NR1D1: variants seen among roughly 807,000 people sequenced by gnomAD.
The protein encoded by NR1D1 is Rev-ErbAalpha.
Under a neutral mutation model 51.1 loss-of-function variants are expected in NR1D1, and 17 were observed. The observed-to-expected ratio is 0.33, with a 90% CI of 0.23 to 0.50. The LOEUF is 0.50. Ranked by LOEUF, NR1D1 falls within the 20% of genes least tolerant of loss-of-function variation. The pLI is 0.98. For missense variants in NR1D1, 647 were observed against 830.4 expected (o/e 0.78, Z 2.71); for synonymous variants, 341 against 333.4 (o/e 1.02, Z -0.25).
Position 40,095,504 on chromosome 17 carries a change from G to A in NR1D1, c.1188C>T (p.Ala396=), listed in dbSNP as rs909264066. Residue 396 remains alanine, a synonymous_variant, in exon 5 of 8, where the codon GCC becomes GCT. Transcript: ENST00000246672. ...HRLCPTHVYA[A]PEGKAPANSP... ...TGTTGGCAGGTGCCTTGCCTTCTGG[G>A]GCTGCATACACGTGGGTGGGGCATA... is the stretch of plus-strand genomic sequence containing the variant. 2 of 1,565,678 alleles carry A rather than the reference G, an allele frequency of 1.3e-6. No individual in the cohort carries two copies. Among genetic ancestry groups the A allele is most frequent in the African/African-American group, 1.4e-5 (1 of 73,428 alleles).
chr17:40,094,767 G>GCAC, intron 6 of NR1D1, among the ~76,000 whole-genome samples, 168 bp downstream of exon 6: 1 of 152,194 alleles, frequency 6.6e-6, no homozygotes, highest in African/African-American at 2.4e-5. Flanking sequence ...GCGTGGTGGC[G>GCAC]GGAACCTGTA....
At position 40,093,371 on chromosome 17, in the gene NR1D1, G is replaced by C. The variant is rs1208586927; in HGVS notation, c.1646-89C>G. The C allele has an allele frequency of 1.2e-6, 2 of 1,610,992 alleles. No individual in the cohort carries two copies. Among genetic ancestry groups the C allele is most frequent in the South Asian group, 2.2e-5 (2 of 90,932 alleles). ...CTGCGAGGACCTGGCAGGCAATGCA[G>C]CCTCTCCCTGAAGCCCCCCAGAAGG... On this transcript the variant is annotated intron_variant, in intron 7 of 7. Coordinates refer to ENST00000246672, the MANE Select transcript of NR1D1 (RefSeq NM_021724.5). This position sits in a 1 kb window ranked among gnomAD's most constrained non-coding sequence, Gnocchi z 5.9.
chr17:40,096,674 C>T lies in NR1D1; in HGVS notation c.459+17G>A, dbSNP rs138791655. 6.2e-7 allele frequency: 1 copy of T among 1,613,986 alleles called. No homozygotes were observed. The highest frequency in any genetic ancestry group is 1.7e-5 in the Admixed American group (1 of 60,014). ...AGGGGGCCACCTGCCCCTGCCCTTA[C>T]CCCCAGTCCGCCTCACCTTGCAGCC... On this transcript the variant is annotated intron_variant, in intron 3 of 7. Transcript: ENST00000246672.
chr17:40,095,266 G>A, intron 5 of NR1D1, 146 bp from the exon 6 acceptor site: 1 of 1,128,212 alleles, frequency 8.9e-7, no homozygotes, highest in Non-Finnish European at 1.2e-6. Flanking sequence ...GCAATTAGGT[G>A]CCAGGTGGAG....
At chr17:40,096,402 T>G (rs202136675) in intron 4 of NR1D1, 41 bp downstream of exon 4, 26 of 1,612,896 alleles carry the variant, frequency 1.6e-5, no homozygotes, top group Admixed American at 1.0e-4. Context: ...TCAGAAACTT[T>G]GGGCGGAAGA....
At chr17:40,094,220 G>T (rs1018905119) in intron 6 of NR1D1, 98 bp from the exon 7 acceptor site, 2 of 1,059,468 alleles carry the variant, frequency 1.9e-6, no homozygotes, top group Admixed American at 1.8e-5. Flanking sequence ...TGCTGCCTTC[G>T]ATTTCTCAGT....
At position 40,095,933 on chromosome 17, in the gene NR1D1, C is replaced by A. The variant is rs199767462; in HGVS notation, c.759G>T (p.Ser253=). The stretch of plus-strand genomic sequence containing the variant: ...GTGAGGGGACCGGAGCAGGGGGTGG[C>A]GAGGGGCCCATGGGGCCTGGGGTGG... ...QHPTPGPMGP[S]PPPAPVPSPL... is the part of the protein sequence containing the mutation. The change falls in exon 5 of 8, where the codon TCG becomes TCT. Residue 253 remains serine, a synonymous_variant. Transcript: ENST00000246672. The A allele has an allele frequency of 9.1e-6, 14 of 1,534,516 alleles. No individual in the cohort carries two copies. Among genetic ancestry groups the A allele is most frequent in the South Asian group, 1.1e-5 (1 of 89,384 alleles).
Position 40,095,721 on chromosome 17 carries a change from G to A in NR1D1, c.971C>T (p.Pro324Leu), listed in dbSNP as rs1267138119. ...TTCCCAGCGATGTGGGGTGGTGGCT[G>A]GAGGGCTACCTGATGCATGGTTGGC... is the stretch of plus-strand genomic sequence containing the variant. ...FNANHASGSP[P>L]ATTPHRWENQ... The change falls in exon 5 of 8, where the codon CCA becomes CTA. Residue 324 changes from proline (P) to leucine (L), a missense_variant. Physicochemically the swap from Pro to Leu is moderately conservative, Grantham distance 98 (BLOSUM62 -3). This residue lies in a region of NR1D1 where 185 missense variants were observed against 176.3 expected (regional missense o/e 1.05). Transcript: ENST00000246672. The A allele has an allele frequency of 6.2e-7, 1 of 1,613,874 alleles. No individual in the cohort carries two copies. The highest frequency in any genetic ancestry group is 1.1e-5 in the South Asian group (1 of 91,058).
At chr17:40,097,903 C>T (rs1182901457) in intron 1 of NR1D1, among the ~76,000 whole-genome samples, 1 of 152,222 alleles carries the variant, frequency 6.6e-6, no homozygotes, top group African/African-American at 2.4e-5. Flanking sequence ...AAAAGTAAGA[C>T]AGTCACATTC....
rs201252895 is a variant in NR1D1, at chr17:40,093,296, G to C, written c.1646-14C>G. 1 of 1,613,426 alleles carries C rather than the reference G, an allele frequency of 6.2e-7. No homozygotes were observed. The highest frequency in any genetic ancestry group is 1.7e-5 in the Admixed American group (1 of 59,996). On this transcript the variant is annotated splice_polypyrimidine_tract_variant and intron_variant, in intron 7 of 7. Transcript: ENST00000246672. This position sits in a 1 kb window ranked among gnomAD's most constrained non-coding sequence, Gnocchi z 5.9. ...TGCCCGAGCGGTCTGTGGGGAAGAC[G>C]ACAGCAGTGAGGCGGACTCCCCGAG...
At chr17:40,094,401 A>G (rs1000928117) in intron 6 of NR1D1, among the ~76,000 whole-genome samples, 8 of 152,240 alleles carry the variant, frequency 5.3e-5, no homozygotes, top group Non-Finnish European at 1.2e-4. Flanking sequence ...CAGTGCACCC[A>G]AGGCATTATT....
rs755224727 is a variant in NR1D1, at chr17:40,093,696, G to A, written c.1645+216C>T. ...CTCCCCCAGGCAGAAATAGTTGTCT[G>A]TGCTTCCTTGGTTCATGCTTCTACT... On this transcript the variant is annotated intron_variant, in intron 7 of 7. Coordinates refer to ENST00000246672, the MANE Select transcript of NR1D1 (RefSeq NM_021724.5). The surrounding 1 kb of genome is among the most constrained non-coding windows in gnomAD (Gnocchi z 5.9). The A allele has an allele frequency of 3.1e-6, 2 of 636,024 alleles. No individual in the cohort carries two copies. The highest frequency in any genetic ancestry group is 5.4e-6 in the Non-Finnish European group (2 of 370,172). The allele number at this position is 636,024 out of a possible 1,614,324, so 39.4% of individuals were successfully genotyped here. A position where few individuals can be genotyped will look rare whatever the true frequency, so the allele number is the denominator to read the frequency against.
chr17:40,094,205 A>C, intron 6 of NR1D1, 83 bp from the exon 7 acceptor site: 2 of 1,262,876 alleles, frequency 1.6e-6, no homozygotes, highest in Non-Finnish European at 2.3e-6. Context: ...CAGAGGGTTT[A>C]GCGGTGCTGC....
In NR1D1 at chr17:40,100,396, T is replaced by C. The variant is rs200723167; in HGVS notation, c.-302A>G. 1 of 482,100 alleles carries C rather than the reference T, an allele frequency of 2.1e-6. No individual in the cohort carries two copies. The highest frequency in any genetic ancestry group is 3.7e-6 in the Non-Finnish European group (1 of 271,680). 29.9% of individuals were successfully genotyped at this position (482,100 alleles called of 1,614,324 possible). ...AGCAAGGAGGGTCGGGTCTCTGCAGTGTACGGGGTGCCTCTGCCTGCCGGC... is the reference window on the plus strand; with the variant it reads ...AGCAAGGAGGGTCGGGTCTCTGCAGCGTACGGGGTGCCTCTGCCTGCCGGC... On this transcript the variant is annotated 5_prime_UTR_variant, in exon 1 of 8. Coordinates refer to ENST00000246672, the MANE Select transcript of NR1D1 (RefSeq NM_021724.5).
rs1465029102 is a variant in NR1D1, at chr17:40,092,932, A to C, written c.*151T>G. 6 of 1,513,278 alleles carry C rather than the reference A, an allele frequency of 4.0e-6. No homozygotes were observed. In the African/African-American group the frequency reaches 4.2e-5, roughly 11 times the overall value. 93.7% of individuals were successfully genotyped at this position (1,513,278 alleles called of 1,614,324 possible). On this transcript the variant is annotated 3_prime_UTR_variant, in exon 8 of 8. Coordinates refer to ENST00000246672, the MANE Select transcript of NR1D1 (RefSeq NM_021724.5). ...GGGAGGGAGGCAGGTATTTACAAGA[A>C]GGCTCAGGGGGCCAGAGGCTCATCT... is the stretch of plus-strand genomic sequence containing the variant.
chr17:40,093,934 G>C lies in NR1D1; in HGVS notation c.1623C>G (p.Thr541=). ...TACCTGCAGAGACAAGCACCACCGC[G>C]GTGAAGAGGCCCAGCTCCTCCTCGG... ...ALTEEELGLF[T]AVVLVSADRS... The change falls in exon 7 of 8, where the codon ACC becomes ACG. Residue 541 remains threonine (T), a synonymous_variant. Transcript: ENST00000246672. The surrounding 1 kb of genome is among the most constrained non-coding windows in gnomAD (Gnocchi z 5.9). The C allele has an allele frequency of 6.2e-7, 1 of 1,613,436 alleles. No individual in the cohort carries two copies. The highest frequency in any genetic ancestry group is 1.3e-5 in the African/African-American group (1 of 75,044).
At position 40,094,062 on chromosome 17, in the gene NR1D1, T is replaced by TTAGGAACATC; in HGVS notation, c.1485_1494dup (p.Ser499AspfsTer159). 6.2e-7 allele frequency: 1 copy of TTAGGAACATC among 1,614,020 alleles called. No individual in the cohort carries two copies. ...TCCTGCAGGCTGTAGGTGGTGCGGC[T>TTAGGAACATC]TAGGAACATCACTGTCTGGTCCTTC... is the stretch of plus-strand genomic sequence containing the variant. On this transcript the variant is annotated frameshift_variant, in exon 7 of 8. Coordinates refer to ENST00000246672, the MANE Select transcript of NR1D1 (RefSeq NM_021724.5). LOFTEE classifies it high-confidence loss of function.
At chr17:40,098,549 A>G (rs1319430125) in intron 1 of NR1D1, among the ~76,000 whole-genome samples, 1 of 152,188 alleles carries the variant, frequency 6.6e-6, no homozygotes, top group Admixed American at 6.5e-5. Flanking sequence ...AAGGAGTGAG[A>G]CCTTCATGCA....
Sources: gnomAD v4.1 joint callset for allele counts (sites outside exome capture counted in the v4.1 genomes callset) on GRCh38, gnomAD v4.1.1 for gene constraint, gnomAD v4.1.1 regional missense constraint, Gnocchi (gnomAD v3.1) non-coding constraint, MANE v1.5 for transcripts, NCBI Gene and HGNC (gene_info 2026-07-23, HGNC 2026-07-21) for gene names.